FCRL4: variants seen among roughly 807,000 people sequenced by gnomAD.
The protein encoded by FCRL4 is Fc receptor like 4.
A neutral mutation model predicts 64.1 loss-of-function variants in FCRL4; 43 were observed. The ratio of observed to expected loss-of-function variants is 0.67; its 90% CI spans 0.53 to 0.87. FCRL4 has a LOEUF of 0.87. Ranked by LOEUF, FCRL4 falls within the 40% of genes least tolerant of loss-of-function variation. FCRL4 has a pLI of 0.00. For synonymous variants in FCRL4, 253 were observed against 239.8 expected (o/e 1.05, Z -0.51); for missense variants, 656 against 613.5 (o/e 1.07, Z -0.73).
chr1:157,597,804 T>A (rs1458909294), intron 1 of FCRL4, 110 bp downstream of exon 1: 1 of 725,654 alleles, frequency 1.4e-6, no homozygotes, highest in East Asian at 2.8e-5. Context: ...CATTTTCTGC[T>A]GTTCTAAAAT....
chr1:157,576,936 T>C (rs1558152247), intron 10 of FCRL4, among the ~76,000 whole-genome samples: 1 of 152,224 alleles, frequency 6.6e-6, no homozygotes, highest in Non-Finnish European at 1.5e-5. Flanking sequence ...TTCATTTTCA[T>C]AGAACACCTT....
Position 157,575,426 on chromosome 1 carries a change from G to A in FCRL4, c.*98C>T, listed in dbSNP as rs1177675794. On this transcript the variant is annotated 3_prime_UTR_variant, in exon 12 of 12. Transcript: ENST00000271532. The stretch of plus-strand genomic sequence containing the variant: ...GAGAAGAATTAGAAAGCTGGAATGA[G>A]TTGATCATTCCAGGGGCCGCAAGGA... 2 of 827,270 alleles carry A rather than the reference G, an allele frequency of 2.4e-6. No homozygotes were observed. The highest frequency in any genetic ancestry group is 1.7e-5 in the African/African-American group (1 of 59,182). The allele number at this position is 827,270 out of a possible 1,614,324, so 51.2% of individuals were successfully genotyped here.
chr1:157,587,303 T>C lies in FCRL4; in HGVS notation c.820A>G (p.Ser274Gly). Reference sequence around the variant, plus strand: ...TGCACATGGATCTGTAGCGAGGGACTGTGCTTGTGGATGTTACCCCTCACT... The same window carrying C: ...TGCACATGGATCTGTAGCGAGGGACCGTGCTTGTGGATGTTACCCCTCACT... ...ETVRGNIHKH[S>G]PSLQIHVQRI... is the part of the protein sequence containing the mutation. The change falls in exon 5 of 12, where the codon AGT (serine) becomes GGT (glycine). Residue 274 changes from serine (S) to glycine (G), a missense_variant. Physicochemically the swap from Ser to Gly is moderately conservative, Grantham distance 56. Transcript: ENST00000271532. The C allele has an allele frequency of 1.2e-6, 2 of 1,614,256 alleles. No individual in the cohort carries two copies. Among genetic ancestry groups the C allele is most frequent in the Non-Finnish European group, 1.7e-6 (2 of 1,180,040 alleles).
Position 157,578,807 on chromosome 1 carries a change from G to A in FCRL4, c.1323C>T (p.Cys441=), listed in dbSNP as rs770348102. 6 of 1,613,884 alleles carry A rather than the reference G, an allele frequency of 3.7e-6. No individual in the cohort carries two copies. Among genetic ancestry groups the A allele is most frequent in the Non-Finnish European group, 4.2e-6 (5 of 1,179,936 alleles). The change falls in exon 9 of 12, where the codon TGC becomes TGT. Residue 441 remains cysteine, a synonymous_variant. Transcript: ENST00000271532. ...ACGACTGAAGCTCCACCTGGGCAGG[G>A]CAGATGGAATGGGAGGACTCTCCTG... ...PGPGESSHSI[C]PAQVELQSLY...
At chr1:157,596,399 T>G in intron 1 of FCRL4, 51 bp from the exon 2 acceptor site, 2 of 1,609,842 alleles carry the variant, frequency 1.2e-6, no homozygotes, top group Non-Finnish European at 1.7e-6. Flanking sequence ...AGTCCCGAAC[T>G]ATTCACCCTG....
chr1:157,595,840 G>T (rs905518183), intron 2 of FCRL4, among the ~76,000 whole-genome samples: 1 of 152,218 alleles, frequency 6.6e-6, no homozygotes, highest in Non-Finnish European at 1.5e-5. Flanking sequence ...TGACCAGTAG[G>T]ATAGATGGAG....
At position 157,580,339 on chromosome 1, in the gene FCRL4, A is replaced by G. The variant is rs540929035; in HGVS notation, c.1259T>C (p.Phe420Ser). Reference sequence around the variant, plus strand: ...GTCTCACCTGGTTTCGTCTCCCAAGAAACCAACTCCTGCAAAATAAAGCAA... The same window carrying G: ...GTCTCACCTGGTTTCGTCTCCCAAGGAACCAACTCCTGCAAAATAAAGCAA... The part of the protein sequence containing the change: ...CWRRRKSGVG[F>S]LGDETRLPPA... The change falls in exon 8 of 12, where the codon TTC becomes TCC. Residue 420 changes from phenylalanine (F) to serine (S), a missense_variant. Transcript: ENST00000271532. The G allele has an allele frequency of 3.7e-5, 60 of 1,614,044 alleles. 1 individual carries two copies. The South Asian group carries it at 6.1e-4, about 17-fold the overall frequency.
At chr1:157,585,350 CTTTCTTTCTT>C (rs767595144) in intron 6 of FCRL4, among the ~76,000 whole-genome samples, 149 of 41,516 alleles carry the variant, frequency 3.6e-3, no homozygotes, top group Non-Finnish European at 4.7e-3. Flanking sequence ...CTCTCTCTTT[CTTTCTTTCTT>C]TCTTTCTTTC....
intron 2 of FCRL4, among the ~76,000 whole-genome samples, chr1:157,595,812 G>A (rs1652949462): frequency 6.6e-6 from 1 of 152,228 alleles, no homozygotes; most frequent in African/African-American, 2.4e-5. Flanking sequence ...GCTGCCTATA[G>A]AGGATGGGAC....
At chr1:157,592,834 C>A (rs1244537762) in intron 2 of FCRL4, among the ~76,000 whole-genome samples, 2 of 152,168 alleles carry the variant, frequency 1.3e-5, no homozygotes, top group Non-Finnish European at 2.9e-5. Flanking sequence ...TTAGAACCAA[C>A]CAAAATGTCC....
intron 8 of FCRL4, among the ~76,000 whole-genome samples, chr1:157,579,758 T>A (rs1407157249): frequency 7.1e-6 from 1 of 141,400 alleles, no homozygotes; most frequent in Non-Finnish European, 1.6e-5. Flanking sequence ...ATAAAATGTC[T>A]TTACATTGTA....
chr1:157,575,348 T>C lies in FCRL4; in HGVS notation c.*176A>G, dbSNP rs1485027790. 6.6e-6 allele frequency: 4 copies of C among 607,570 alleles called. No homozygotes were observed. The highest frequency in any genetic ancestry group is 1.2e-5 in the Non-Finnish European group (4 of 340,862). 37.6% of individuals were successfully genotyped at this position (607,570 alleles called of 1,614,324 possible). ...GTGAAGTCTTTCAGAGGCCATTCCATCCCAACATCAGAGTAGACGAATGAG... is the reference window on the plus strand; with the variant it reads ...GTGAAGTCTTTCAGAGGCCATTCCACCCCAACATCAGAGTAGACGAATGAG... On this transcript the variant is annotated 3_prime_UTR_variant, in exon 12 of 12. Transcript: ENST00000271532.
chr1:157,588,199 T>C, intron 3 of FCRL4, 80 bp from the exon 4 acceptor site: 1 of 1,486,818 alleles, frequency 6.7e-7, no homozygotes. Flanking sequence ...AAAGGCTTTA[T>C]TGTTTTCTTC....
chr1:157,589,386 A>T lies in FCRL4; in HGVS notation c.125T>A (p.Leu42Gln). Residue 42 changes from leucine (L) to glutamine (Q), a missense_variant, in exon 3 of 12, where the codon CTG (leucine) becomes CAG (glutamine). Leu to Gln is a moderately radical substitution (Grantham distance 113). Coordinates refer to ENST00000271532, the MANE Select transcript of FCRL4 (RefSeq NM_031282.3). ...TTFFKGERVTLTCNGFQFYAT... is the reference protein window; with the variant it reads ...TTFFKGERVTQTCNGFQFYAT... ...ATAGAACTGAAATCCATTGCAAGTC[A>T]GAGTCACTCTCTCTCCTTTGAAGAA... The T allele has an allele frequency of 3.7e-6, 6 of 1,614,170 alleles. No homozygotes were observed. Among genetic ancestry groups the T allele is most frequent in the Non-Finnish European group, 5.1e-6 (6 of 1,180,022 alleles).
At position 157,575,522 on chromosome 1, in the gene FCRL4, T is replaced by A. The variant is rs1652382690; in HGVS notation, c.*2A>T. 4 of 1,611,540 alleles carry A rather than the reference T, an allele frequency of 2.5e-6. No homozygotes were observed. Among genetic ancestry groups the A allele is most frequent in the Non-Finnish European group, 3.4e-6 (4 of 1,178,176 alleles). ...AGGACGTTCTCGTAACTTTTCATTC[T>A]CTTAACTTTCTTCATCCTTAGAGCT... On this transcript the variant is annotated 3_prime_UTR_variant, in exon 12 of 12. Coordinates refer to ENST00000271532, the MANE Select transcript of FCRL4 (RefSeq NM_031282.3).
At chr1:157,596,215 A>T in intron 2 of FCRL4, 113 bp downstream of exon 2, 1 of 1,178,382 alleles carries the variant, frequency 8.5e-7, no homozygotes, top group Admixed American at 1.8e-5. Context: ...ACATCCCTGC[A>T]GCACTCAGGA....
chr1:157,595,059 C>T (rs930054866), intron 2 of FCRL4, among the ~76,000 whole-genome samples: 31 of 152,228 alleles, frequency 2.0e-4, no homozygotes, highest in South Asian at 2.1e-4. Context: ...CCACCACAAC[C>T]GGCTAATTTT....
chr1:157,587,240 A>G (rs1362183522), intron 5 of FCRL4, 36 bp downstream of exon 5: 2 of 1,603,156 alleles, frequency 1.2e-6, no homozygotes, highest in Admixed American at 3.3e-5. Context: ...AGGGGCAGAG[A>G]GAGGCAGGGA....
chr1:157,576,414 T>C (rs941915942), intron 10 of FCRL4, among the ~76,000 whole-genome samples: 1 of 152,210 alleles, frequency 6.6e-6, no homozygotes, highest in Non-Finnish European at 1.5e-5. Context: ...GTTACAGATA[T>C]TTTTAATAAT....
Sources: allele counts gnomAD v4.1 joint callset (sites outside exome capture counted in the v4.1 genomes callset), GRCh38; gene constraint gnomAD v4.1.1; transcripts MANE v1.5; gene names NCBI Gene and HGNC (gene_info 2026-07-23, HGNC 2026-07-21).